CLIC4: variants seen among roughly 807,000 people sequenced by gnomAD.
CLIC4 encodes the protein CLIC family member 4, also known as chloride intracellular channel protein 4.
In CLIC4, 13 loss-of-function variants were observed where a neutral mutation model predicts 24.6. The observed-to-expected ratio is 0.53, with a 90% confidence interval of 0.34 to 0.84. The LOEUF (loss-of-function observed/expected upper bound fraction) is 0.84, where lower values mean the gene tolerates loss of function less well. Ranked by LOEUF, CLIC4 falls within the 40% of genes least tolerant of loss-of-function variation. CLIC4 has a pLI of 0.01. For missense variants in CLIC4, 227 were observed against 301.7 expected (o/e 0.75, Z 1.83); for synonymous variants, 104 against 111.3 (o/e 0.93, Z 0.41).
intron 4 of CLIC4, among the ~76,000 whole-genome samples, chr1:24,836,752 C>T (rs935818377): frequency 6.6e-6 from 1 of 152,076 alleles, no homozygotes; most frequent in Non-Finnish European, 1.5e-5. Context: ...GTGGGAGGAT[C>T]GCATGAGCCC....
At chr1:24,797,884 A>AG in intron 2 of CLIC4, 33 bp downstream of exon 2, 1 of 1,405,698 alleles carries the variant, frequency 7.1e-7, no homozygotes, top group South Asian at 1.2e-5. Context: ...AATCAACTTA[A>AG]GCTGAACTAT....
At chr1:24,782,535 G>A (rs1228565135) in intron 1 of CLIC4, among the ~76,000 whole-genome samples, 1 of 151,960 alleles carries the variant, frequency 6.6e-6, no homozygotes, top group Non-Finnish European at 1.5e-5. Flanking sequence ...AATTTTAAAA[G>A]ATTGATATCT....
At chr1:24,768,390 A>G (rs529231555) in intron 1 of CLIC4, among the ~76,000 whole-genome samples, 157 of 152,350 alleles carry the variant, frequency 1.0e-3, no homozygotes, top group Non-Finnish European at 2.0e-3. Context: ...AAGGAAATGT[A>G]GACGTGCTTA....
intron 2 of CLIC4, among the ~76,000 whole-genome samples, chr1:24,803,125 T>A (rs548833436): frequency 6.6e-6 from 1 of 152,332 alleles, no homozygotes; most frequent in East Asian, 1.9e-4. Context: ...AACCCACCAG[T>A]ATATATGAAA....
intron 1 of CLIC4, among the ~76,000 whole-genome samples, chr1:24,761,112 AT>A (rs893982108): frequency 2.6e-5 from 4 of 152,102 alleles, no homozygotes; most frequent in African/African-American, 9.7e-5. Context: ...TGATTCTGAG[AT>A]TTTTGTTCTG....
intron 1 of CLIC4, among the ~76,000 whole-genome samples, chr1:24,755,191 C>A (rs889371250): frequency 2.0e-5 from 3 of 151,742 alleles, no homozygotes; most frequent in African/African-American, 7.3e-5. Flanking sequence ...TTGTCTTGAA[C>A]TCCTGACCTC....
chr1:24,762,440 A>T (rs756957178), intron 1 of CLIC4, among the ~76,000 whole-genome samples: 1 of 152,282 alleles, frequency 6.6e-6, no homozygotes, highest in East Asian at 1.9e-4. Flanking sequence ...CAAGTGTATG[A>T]GATCATTGTG....
At chr1:24,799,216 C>T (rs1163914151) in intron 2 of CLIC4, among the ~76,000 whole-genome samples, 21 of 151,670 alleles carry the variant, frequency 1.4e-4, no homozygotes, top group Admixed American at 1.3e-3. Context: ...CGCCTCTTCC[C>T]GGCTGCCATC....
At chr1:24,791,970 ACCTGGGAGGTAGAGGT>A (rs1639344746) in intron 1 of CLIC4, among the ~76,000 whole-genome samples, 1 of 151,022 alleles carries the variant, frequency 6.6e-6, no homozygotes, top group Admixed American at 6.7e-5. Context: ...AATGGCCTGA[ACCTGGGAGGTAGAGGT>A]TGCAATGAGC....
chr1:24,838,491 G>T (rs554713612), intron 4 of CLIC4, among the ~76,000 whole-genome samples: 17 of 152,290 alleles, frequency 1.1e-4, no homozygotes, highest in African/African-American at 4.1e-4. Flanking sequence ...GGAAGAAGAG[G>T]TTTGGGGTTA....
At chr1:24,823,195 T>A (rs1339960505) in intron 3 of CLIC4, among the ~76,000 whole-genome samples, 1 of 152,102 alleles carries the variant, frequency 6.6e-6, no homozygotes, top group African/African-American at 2.4e-5. Flanking sequence ...TTGCTTAACA[T>A]TGAGAGGCTA....
intron 1 of CLIC4, among the ~76,000 whole-genome samples, chr1:24,795,675 A>G (rs1417552625): frequency 2.6e-5 from 4 of 152,104 alleles, no homozygotes. Flanking sequence ...GGTTCAAGCA[A>G]TTCTCCTGTC....
intron 1 of CLIC4, among the ~76,000 whole-genome samples, chr1:24,770,073 A>G (rs1639052560): frequency 6.6e-6 from 1 of 151,904 alleles, no homozygotes; most frequent in Non-Finnish European, 1.5e-5. Flanking sequence ...GTTGCCTAAG[A>G]TGGTCTTGAA....
intron 1 of CLIC4, among the ~76,000 whole-genome samples, chr1:24,789,898 T>G (rs1275257555): frequency 1.3e-5 from 2 of 152,192 alleles, no homozygotes; most frequent in African/African-American, 4.8e-5. Context: ...TCATACTATG[T>G]TAAGAGACTC....
In CLIC4 at chr1:24,843,376, A is replaced by G. The variant is rs918760474; in HGVS notation, c.*2439A>G. On this transcript the variant is annotated 3_prime_UTR_variant, in exon 6 of 6. Transcript: ENST00000374379. ...TCATGGTAGACAGTTCATGCAGTATATGAATTGCCATAATGGAAATAATCT... is the reference window on the plus strand; with the variant it reads ...TCATGGTAGACAGTTCATGCAGTATGTGAATTGCCATAATGGAAATAATCT... The G allele has an allele frequency of 5.3e-5, 8 of 152,220 alleles. No homozygotes were observed. The highest frequency in any genetic ancestry group is 1.9e-4 in the African/African-American group (8 of 41,454). 9.4% of individuals were successfully genotyped at this position (152,220 alleles called of 1,614,324 possible). A position where few individuals can be genotyped will look rare whatever the true frequency, so the allele number is the denominator to read the frequency against.
At chr1:24,768,651 G>A (rs1301007642) in intron 1 of CLIC4, among the ~76,000 whole-genome samples, 2 of 151,990 alleles carry the variant, frequency 1.3e-5, no homozygotes, top group Non-Finnish European at 2.9e-5. Context: ...GGTGGCTCAC[G>A]CCTGTAATCC....
chr1:24,828,586 G>T (rs1255240406), intron 4 of CLIC4, among the ~76,000 whole-genome samples: 1 of 150,802 alleles, frequency 6.6e-6, no homozygotes, highest in African/African-American at 2.4e-5. Flanking sequence ...TTTTCCATGT[G>T]GTTTTTTGGG....
At chr1:24,774,308 G>A (rs1276170610) in intron 1 of CLIC4, among the ~76,000 whole-genome samples, 1 of 152,098 alleles carries the variant, frequency 6.6e-6, no homozygotes, top group East Asian at 1.9e-4. Flanking sequence ...AATAATCATG[G>A]ATTAATATAA....
rs1429663906 is a variant in CLIC4, at chr1:24,814,089, A to G, written c.183-5A>G. The G allele has an allele frequency of 4.3e-6, 7 of 1,613,412 alleles. No individual in the cohort carries two copies. Among genetic ancestry groups the G allele is most frequent in the Non-Finnish European group, 3.4e-6 (4 of 1,179,966 alleles). ...TCTGATTTTGACCAATATTTTGCCC[A>G]ACAGGAAGCCAGCAGACCTGCAGAA... is the stretch of plus-strand genomic sequence containing the variant. On this transcript the variant is annotated splice_polypyrimidine_tract_variant and splice_region_variant and intron_variant, in intron 2 of 5. Coordinates refer to ENST00000374379, the MANE Select transcript of CLIC4 (RefSeq NM_013943.3).
Sources: gnomAD v4.1 joint callset for allele counts (sites outside exome capture counted in the v4.1 genomes callset) on GRCh38, gnomAD v4.1.1 for gene constraint, MANE v1.5 for transcripts, NCBI Gene and HGNC (gene_info 2026-07-23, HGNC 2026-07-21) for gene names.